MCPH1: variants seen among roughly 807,000 people sequenced by gnomAD.
MCPH1 encodes microcephalin.
Under a neutral mutation model 84.5 loss-of-function variants are expected in MCPH1, and 104 were observed. That is an observed-to-expected ratio of 1.23 (90% confidence interval 1.05 to 1.45). The LOEUF is 1.45. Among genes scored for constraint, MCPH1 ranks in the 40% most tolerant of loss-of-function variants. MCPH1 has a pLI of 0.00. For missense variants in MCPH1, 1,498 were observed against 1,005.7 expected (o/e 1.49, Z -6.62); for synonymous variants, 514 against 366.8 (o/e 1.40, Z -4.58).
chr8:6,551,661 A>G (rs1442625680), intron 12 of MCPH1, among the ~76,000 whole-genome samples: 2 of 152,358 alleles, frequency 1.3e-5, no homozygotes, highest in East Asian at 3.9e-4. Flanking sequence ...AATTCCTGTC[A>G]TTAACAATTT....
intron 12 of MCPH1, among the ~76,000 whole-genome samples, chr8:6,526,136 G>A (rs920321121): frequency 6.6e-6 from 1 of 151,706 alleles, no homozygotes; most frequent in Non-Finnish European, 1.5e-5. Context: ...TTAAGAAAAC[G>A]ACGCCAGGTA....
In MCPH1 at chr8:6,437,881, A is replaced by ACTCCTTACGCTGCCCTCCACTGT; in HGVS notation, c.437-1063_437-1041dup. Among the ~76,000 whole-genome samples the ACTCCTTACGCTGCCCTCCACTGT allele has an allele frequency of 2.0e-5, 3 of 151,456 alleles. 1 individual carries two copies. The highest frequency in any genetic ancestry group is 2.0e-4 in the Admixed American group (3 of 15,206). ...TCATCCCTCCTGCACCACTGCAGCC[A>ACTCCTTACGCTGCCCTCCACTGT]CTCCTTACGCTGCCCTCCACTGTCT... On this transcript the variant is annotated intron_variant, in intron 5 of 13. Coordinates refer to ENST00000344683, the MANE Select transcript of MCPH1 (RefSeq NM_024596.5).
intron 12 of MCPH1, among the ~76,000 whole-genome samples, chr8:6,596,575 G>A (rs1386102784): frequency 3.3e-5 from 5 of 152,096 alleles, no homozygotes; most frequent in African/African-American, 1.2e-4. Flanking sequence ...CCAGACTCTG[G>A]AGCCAGCGTG....
intron 12 of MCPH1, among the ~76,000 whole-genome samples, chr8:6,512,521 C>T (rs1041104854): frequency 2.0e-4 from 30 of 152,160 alleles, no homozygotes; most frequent in African/African-American, 6.0e-4. Context: ...GATCACGAGG[C>T]GCCACCAGTC....
intron 12 of MCPH1, among the ~76,000 whole-genome samples, chr8:6,534,457 C>G (rs1011578695): frequency 1.3e-5 from 2 of 152,136 alleles, no homozygotes; most frequent in Admixed American, 6.5e-5. Context: ...GACAGTTGTA[C>G]TAGAGCTCCA....
chr8:6,499,153 G>C (rs1327425312), intron 11 of MCPH1, among the ~76,000 whole-genome samples: 1 of 152,058 alleles, frequency 6.6e-6, no homozygotes, highest in African/African-American at 2.4e-5. Context: ...CTAAACTTCT[G>C]GTGTATGGAG....
intron 12 of MCPH1, among the ~76,000 whole-genome samples, chr8:6,594,801 G>A (rs1257166860): frequency 1.3e-5 from 2 of 152,140 alleles, no homozygotes; most frequent in East Asian, 3.9e-4. Context: ...GCATACATAT[G>A]TCAGAATCTA....
At chr8:6,586,935 C>T (rs1480790060) in intron 12 of MCPH1, among the ~76,000 whole-genome samples, 5 of 152,204 alleles carry the variant, frequency 3.3e-5, no homozygotes, top group East Asian at 1.9e-4. Flanking sequence ...GGAAACAGCT[C>T]TGCTAACAGA....
At chr8:6,430,309 A>C (rs999665235) in intron 3 of MCPH1, among the ~76,000 whole-genome samples, 1 of 152,172 alleles carries the variant, frequency 6.6e-6, no homozygotes, top group Non-Finnish European at 1.5e-5. Context: ...CTGCCTCTGC[A>C]TTCAGTGTAT....
chr8:6,432,229 C>T (rs1330576849), intron 4 of MCPH1, among the ~76,000 whole-genome samples: 1 of 152,248 alleles, frequency 6.6e-6, no homozygotes, highest in Non-Finnish European at 1.5e-5. Context: ...CTCAACCTCC[C>T]AATTGGGATT....
chr8:6,516,321 G>A (rs1816262809), intron 12 of MCPH1, among the ~76,000 whole-genome samples: 1 of 152,166 alleles, frequency 6.6e-6, no homozygotes, highest in Admixed American at 6.5e-5. Context: ...CAACTCTGCT[G>A]TAGTATCATA....
rs1801842552 is a variant in MCPH1, at chr8:6,431,546, C to A, written c.281C>A (p.Ala94Asp). Residue 94 changes from alanine (A) to aspartate (D), a missense_variant, in exon 4 of 14, where the codon GCT becomes GAT. Transcript: ENST00000344683. ...ATTGATGAATCATTGTTCCCTGCAG[C>A]TAATATGAATGAACACTTATCAAGC... ...AHIDESLFPA[A>D]NMNEHLSSLI... 1.2e-6 allele frequency: 2 copies of A among 1,612,836 alleles called. No homozygotes were observed. Among genetic ancestry groups the A allele is most frequent in the Non-Finnish European group, 1.7e-6 (2 of 1,179,564 alleles).
At chr8:6,584,915 A>G (rs1398366692) in intron 12 of MCPH1, among the ~76,000 whole-genome samples, 2 of 152,230 alleles carry the variant, frequency 1.3e-5, no homozygotes, top group Admixed American at 6.5e-5. Context: ...GAAATATTCA[A>G]GAGTCTCAAA....
chr8:6,487,935 G>T (rs1488321484), intron 11 of MCPH1, among the ~76,000 whole-genome samples: 1 of 152,224 alleles, frequency 6.6e-6, no homozygotes. Context: ...CTTGAACGTG[G>T]ATCTTAGAAA....
At chr8:6,486,310 C>G (rs1419849309) in intron 11 of MCPH1, among the ~76,000 whole-genome samples, 1 of 152,094 alleles carries the variant, frequency 6.6e-6, no homozygotes, top group Non-Finnish European at 1.5e-5. Context: ...CTCTCGCTCT[C>G]TCGCTCTCTC....
chr8:6,536,215 C>T (rs1446671181), intron 12 of MCPH1, among the ~76,000 whole-genome samples: 2 of 152,106 alleles, frequency 1.3e-5, no homozygotes, highest in Non-Finnish European at 2.9e-5. Flanking sequence ...ACACTAGCGA[C>T]AGGAACAGCC....
chr8:6,633,121 A>G (rs1037787746), intron 13 of MCPH1, among the ~76,000 whole-genome samples: 1 of 152,174 alleles, frequency 6.6e-6, no homozygotes, highest in African/African-American at 2.4e-5. Flanking sequence ...AATGGTGAAA[A>G]CCTTAGTTTA....
intron 9 of MCPH1, among the ~76,000 whole-genome samples, chr8:6,474,732 C>T (rs561556209): frequency 1.3e-5 from 2 of 152,112 alleles, no homozygotes; most frequent in Admixed American, 6.6e-5. Context: ...GGCACAGTGG[C>T]TCATGCCTAT....
chr8:6,520,067 A>G (rs1055832214), intron 12 of MCPH1: 58 of 1,544,164 alleles, frequency 3.8e-5, no homozygotes, highest in Non-Finnish European at 4.9e-5. Flanking sequence ...AGAGCCAATC[A>G]TTTGGTGAGT....
Sources: allele counts gnomAD v4.1 joint callset (sites outside exome capture counted in the v4.1 genomes callset), GRCh38; gene constraint gnomAD v4.1.1; transcripts MANE v1.5; gene names NCBI Gene and HGNC (gene_info 2026-07-23, HGNC 2026-07-21).